LRRK2: variants seen among roughly 807,000 people sequenced by gnomAD.
LRRK2 encodes leucine-rich repeat serine/threonine-protein kinase 2.
A neutral mutation model predicts 302.6 loss-of-function variants in LRRK2; 203 were observed. The ratio of observed to expected loss-of-function variants is 0.67; its 90% CI spans 0.60 to 0.75. The LOEUF is 0.75. Among genes scored for constraint, LRRK2 ranks in the 30% least tolerant of loss-of-function variants. The pLI is 0.00. For synonymous variants in LRRK2, 1,066 were observed against 1,031.9 expected, an observed-to-expected ratio of 1.03 and a Z score of -0.63; for missense variants, 2,830 against 2,951.0, an observed-to-expected ratio of 0.96 and a Z score of 0.95.
At chr12:40,363,883 T>C (rs936628250) in intron 48 of LRRK2, among the ~76,000 whole-genome samples, 1 of 152,004 alleles carries the variant, frequency 6.6e-6, no homozygotes, top group Non-Finnish European at 1.5e-5. Context: ...ATATACTATT[T>C]ATAATTAAAT....
intron 16 of LRRK2, among the ~76,000 whole-genome samples, chr12:40,276,308 T>C (rs565418926): frequency 1.1e-4 from 17 of 152,304 alleles, no homozygotes; most frequent in African/African-American, 4.1e-4. Flanking sequence ...TTTTGCTTTG[T>C]TTTTTGAGAC....
In LRRK2 at chr12:40,353,558, C is replaced by G. The variant is rs12423774; in HGVS notation, c.6577-741C>G. On this transcript the variant is annotated intron_variant, in intron 44 of 50. Transcript: ENST00000298910. The stretch of plus-strand genomic sequence containing the variant: ...CAGACGATGGGCGGCCAGGCAGAGA[C>G]GCTCCTCACTTCCCAGACGGGGTGG... Among the ~76,000 whole-genome samples the G allele has an allele frequency of 2.1e-3, 320 of 149,646 alleles. 1 individual carries two copies. Among genetic ancestry groups the G allele is most frequent in the African/African-American group, 7.5e-3 (307 of 40,708 alleles).
At position 40,232,331 on chromosome 12, in the gene LRRK2, T is replaced by C. The variant is rs2136396021; in HGVS notation, c.295T>C (p.Leu99=). 1 of 1,614,150 alleles carries C rather than the reference T, an allele frequency of 6.2e-7. No homozygotes were observed. Among genetic ancestry groups the C allele is most frequent in the Non-Finnish European group, 8.5e-7 (1 of 1,180,018 alleles). Reference sequence around the variant, plus strand: ...AGTCTGTCCAGGTACAATGCAAAGCTTAATGGGACCCCAGGATGTTGGAAA... The same window carrying C: ...AGTCTGTCCAGGTACAATGCAAAGCCTAATGGGACCCCAGGATGTTGGAAA... The part of the protein sequence containing the change: ...IEVCPGTMQS[L]MGPQDVGNDW... Residue 99 remains leucine, a synonymous_variant, in exon 3 of 51, where the codon TTA becomes CTA. Transcript: ENST00000298910.
intron 49 of LRRK2, chr12:40,365,885 G>A (rs559596348): frequency 2.6e-5 from 4 of 152,014 alleles, no homozygotes; most frequent in Middle Eastern, 3.4e-3. Context: ...CTTAATGACT[G>A]TAAACTATTA....
In LRRK2 at chr12:40,310,518, AT is replaced by A. The variant is rs1290365199; in HGVS notation, c.4406del (p.Ile1469ThrfsTer6). On this transcript the variant is annotated frameshift_variant, in exon 31 of 51. Transcript: ENST00000298910. LOFTEE classifies it high-confidence loss of function. ...GCAACGCAAAGCCTGCATGAGTAAAATCACCAAGGAACTCCTGAATAAGCGA... is the reference window on the plus strand; with the variant it reads ...GCAACGCAAAGCCTGCATGAGTAAAACACCAAGGAACTCCTGAATAAGCGA... Reference protein sequence around the residue: ...EKQRKACMSKITKELLNKRGF... With the variant: ...EKQRKACMSKXTKELLNKRGF... 6.2e-7 allele frequency: 1 copy of A among 1,612,992 alleles called. No individual in the cohort carries two copies. Among genetic ancestry groups the A allele is most frequent in the Admixed American group, 1.7e-5 (1 of 59,788 alleles).
chr12:40,304,149 G>A lies in LRRK2; in HGVS notation c.3777+15G>A. The A allele has an allele frequency of 6.2e-7, 1 of 1,609,062 alleles. No homozygotes were observed. Among genetic ancestry groups the A allele is most frequent in the African/African-American group, 1.3e-5 (1 of 74,866 alleles). On this transcript the variant is annotated intron_variant, in intron 27 of 50. Coordinates refer to ENST00000298910, the MANE Select transcript of LRRK2 (RefSeq NM_198578.4). ...AACTGAAAGAGGTAAGACGATTATTGCCACTTAAAAAATATACTTTATGAT... is the reference window on the plus strand; with the variant it reads ...AACTGAAAGAGGTAAGACGATTATTACCACTTAAAAAATATACTTTATGAT...
At chr12:40,299,730 A>G (rs548564578) in intron 25 of LRRK2, among the ~76,000 whole-genome samples, 9 of 152,260 alleles carry the variant, frequency 5.9e-5, no homozygotes, top group African/African-American at 2.2e-4. Flanking sequence ...TAAACTATGG[A>G]CTTTGAGTGA....
chr12:40,311,449 C>A (rs1361529364), intron 31 of LRRK2, among the ~76,000 whole-genome samples: 3 of 152,030 alleles, frequency 2.0e-5, no homozygotes, highest in African/African-American at 7.2e-5. Flanking sequence ...TTCCATATGA[C>A]AAACATAATG....
At chr12:40,364,737 G>A in intron 48 of LRRK2, 105 bp from the exon 49 acceptor site, 2 of 948,902 alleles carry the variant, frequency 2.1e-6, no homozygotes, top group Middle Eastern at 2.4e-4. Context: ...AATGGTGGTG[G>A]TGTCATGTTT....
At chr12:40,363,261 A>G in intron 47 of LRRK2, 141 bp from the exon 48 acceptor site, 1 of 701,536 alleles carries the variant, frequency 1.4e-6, no homozygotes, top group South Asian at 1.9e-5. Context: ...AGGGAAGAAT[A>G]TGAAATAATT....
chr12:40,272,110 A>G (rs983502066), intron 14 of LRRK2, among the ~76,000 whole-genome samples: 17 of 152,192 alleles, frequency 1.1e-4, no homozygotes, highest in Admixed American at 1.1e-3. Context: ...TTGTTTGAAA[A>G]TTATTAACGA....
chr12:40,243,489 A>G (rs1363287613), intron 6 of LRRK2, 61 bp from the exon 7 acceptor site: 10 of 1,580,790 alleles, frequency 6.3e-6, no homozygotes, highest in African/African-American at 2.7e-5. Flanking sequence ...ACGTCTTTGT[A>G]TGCATATTTG....
At position 40,367,022 on chromosome 12, in the gene LRRK2, C is replaced by T. The variant is rs1209931973; in HGVS notation, c.7407C>T (p.Val2469=). 1 of 1,608,702 alleles carries T rather than the reference C, an allele frequency of 6.2e-7. No homozygotes were observed. The highest frequency in any genetic ancestry group is 8.5e-7 in the Non-Finnish European group (1 of 1,176,494). The change falls in exon 50 of 51, where the codon GTC becomes GTT. Residue 2469 remains valine, a synonymous_variant. Transcript: ENST00000298910. ...TTTGTAAAGGAAGCCTTAAAAATGTCATGCTGGTATTGGGCTACAACCGGA... is the reference window on the plus strand; with the variant it reads ...TTTGTAAAGGAAGCCTTAAAAATGTTATGCTGGTATTGGGCTACAACCGGA... ...MTAQLGSLKN[V]MLVLGYNRKN...
At chr12:40,319,161 A>T (rs1448664947) in intron 33 of LRRK2, among the ~76,000 whole-genome samples, 1 of 152,148 alleles carries the variant, frequency 6.6e-6, no homozygotes, top group Non-Finnish European at 1.5e-5. Context: ...AAATTGGAAT[A>T]TATAGATAAA....
At chr12:40,362,499 G>C (rs1433207745) in intron 47 of LRRK2, among the ~76,000 whole-genome samples, 1 of 151,970 alleles carries the variant, frequency 6.6e-6, no homozygotes, top group Non-Finnish European at 1.5e-5. Context: ...GGGGTATGTA[G>C]AAAATACATT....
chr12:40,294,770 A>G (rs899189030), intron 21 of LRRK2, 75 bp from the exon 22 acceptor site: 11 of 853,498 alleles, frequency 1.3e-5, no homozygotes, highest in African/African-American at 3.4e-5. Context: ...TTAAAATTTC[A>G]TGGTTCCTTC....
At chr12:40,280,011 T>C (rs369196392) in intron 18 of LRRK2, among the ~76,000 whole-genome samples, 5 of 152,208 alleles carry the variant, frequency 3.3e-5, no homozygotes, top group African/African-American at 1.2e-4. Context: ...TGTGTTAGAC[T>C]TTCTGCAGAG....
At chr12:40,231,390 CAAA>C (rs10631840) in intron 2 of LRRK2, among the ~76,000 whole-genome samples, 3 of 106,702 alleles carry the variant, frequency 2.8e-5, no homozygotes, top group African/African-American at 3.7e-5. Context: ...CCTGTCTTCA[CAAA>C]AAAAAAAAAA....
intron 28 of LRRK2, among the ~76,000 whole-genome samples, chr12:40,307,902 C>T (rs1212711686): frequency 6.6e-6 from 1 of 151,514 alleles, no homozygotes; most frequent in Non-Finnish European, 1.5e-5. Context: ...CTGCCTCAAC[C>T]TCCCAAGTAG....
Sources: gnomAD v4.1 joint callset for allele counts (sites outside exome capture counted in the v4.1 genomes callset) on GRCh38, gnomAD v4.1.1 for gene constraint, MANE v1.5 for transcripts, NCBI Gene and HGNC (gene_info 2026-07-23, HGNC 2026-07-21) for gene names.